MALRD1: variants seen among roughly 807,000 people sequenced by gnomAD.
MALRD1 encodes MAM and LDL-receptor class A domain-containing protein 1.
Under a neutral mutation model 242.1 loss-of-function variants are expected in MALRD1, and 247 were observed. The observed-to-expected ratio is 1.02, with a 90% CI of 0.92 to 1.13. MALRD1 has a LOEUF of 1.13. Ranked by LOEUF, MALRD1 falls within the 50% of genes most tolerant of loss-of-function variation. The probability of loss-of-function intolerance (pLI) is 0.00; values close to 1 mark genes in which losing one functional copy is unlikely to be tolerated. For missense variants in MALRD1, 2,989 were observed against 2,533.1 expected (o/e 1.18, Z -3.86); for synonymous variants, 995 against 866.6 (o/e 1.15, Z -2.60).
intron 32 of MALRD1, among the ~76,000 whole-genome samples, chr10:19,551,312 T>A (rs913311683): frequency 6.6e-6 from 1 of 152,184 alleles, no homozygotes; most frequent in African/African-American, 2.4e-5. Flanking sequence ...ATTGTAGAGA[T>A]CTTTCACCTC....
chr10:19,527,005 C>T (rs1385470183), intron 31 of MALRD1, among the ~76,000 whole-genome samples: 2 of 151,996 alleles, frequency 1.3e-5, no homozygotes, highest in African/African-American at 2.4e-5. Context: ...AGACACACAC[C>T]CCATTAGAAA....
chr10:19,246,829 A>C (rs560620366), intron 18 of MALRD1, among the ~76,000 whole-genome samples: 110 of 152,178 alleles, frequency 7.2e-4, no homozygotes, highest in Non-Finnish European at 1.4e-3. Flanking sequence ...ATGTACAAAA[A>C]TATGATGCTT....
Position 19,491,534 on chromosome 10 carries a change from C to A in MALRD1, c.5047C>A (p.Leu1683Ile), listed in dbSNP as rs16918863. 0.087 allele frequency: 135,241 copies of A among 1,549,204 alleles called. 13,050 individuals are homozygous for A. The highest frequency in any genetic ancestry group is 0.5 in the African/African-American group (36,773 of 72,960). ...TTCCCTAGTGGGAGAGATCTCTGAG[C>A]TTTGTCCGGAAATCACTGATTTTTT... ...NCTTVGEISE[L>I]CPEITDFLCR... is the part of the protein sequence containing the mutation. The change falls in exon 30 of 40, where the codon CTT (leucine) becomes ATT (isoleucine). Residue 1683 changes from leucine to isoleucine, a missense_variant. Leu to Ile is a conservative substitution (Grantham distance 5). Transcript: ENST00000454679.
chr10:19,551,081 T>C (rs891818651), intron 32 of MALRD1, among the ~76,000 whole-genome samples: 1 of 152,224 alleles, frequency 6.6e-6, no homozygotes, highest in Non-Finnish European at 1.5e-5. Context: ...GAGCTTCTTT[T>C]TCATATGATT....
At chr10:19,318,572 T>C (rs1247440824) in intron 21 of MALRD1, among the ~76,000 whole-genome samples, 3 of 151,560 alleles carry the variant, frequency 2.0e-5, no homozygotes, top group Non-Finnish European at 4.4e-5. Context: ...GGACCTCTAC[T>C]TGAAGAACCA....
At chr10:19,221,940 A>ATTTT (rs1350810768) in intron 18 of MALRD1, among the ~76,000 whole-genome samples, 4 of 152,188 alleles carry the variant, frequency 2.6e-5, no homozygotes, top group Non-Finnish European at 5.9e-5. Flanking sequence ...ATTTGTGGAA[A>ATTTT]TGAAATTTTT....
At chr10:19,276,159 G>T (rs190994650) in intron 19 of MALRD1, among the ~76,000 whole-genome samples, 3 of 152,282 alleles carry the variant, frequency 2.0e-5, no homozygotes, top group African/African-American at 7.2e-5. Context: ...GTGCTGAAGT[G>T]AAAGAGCTTG....
Position 19,257,674 on chromosome 10 carries a change from AT to A in MALRD1, c.2992-3del, listed in dbSNP as rs1222165858. The A allele has an allele frequency of 5.3e-6, 8 of 1,508,314 alleles. No homozygotes were observed. Among genetic ancestry groups the A allele is most frequent in the South Asian group, 2.6e-5 (2 of 78,274 alleles). The allele number at this position is 1,508,314 out of a possible 1,614,324, so 93.4% of individuals were successfully genotyped here. On this transcript the variant is annotated splice_polypyrimidine_tract_variant and intron_variant, in intron 18 of 39. Transcript: ENST00000454679. Reference sequence around the variant, plus strand: ...ATTTCTTATTTTTATTTTTTATTTTATTTTTTTAGATATTGGTGGAGGCTTC... The same window carrying A: ...ATTTCTTATTTTTATTTTTTATTTTATTTTTTAGATATTGGTGGAGGCTTC...
intron 21 of MALRD1, chr10:19,291,339 A>C (rs952292842): frequency 6.6e-6 from 1 of 152,080 alleles, no homozygotes; most frequent in African/African-American, 2.4e-5. Flanking sequence ...TTATATATAA[A>C]TTTGCTTATA....
chr10:19,161,550 CAAAAAA>C, intron 12 of MALRD1, among the ~76,000 whole-genome samples: 1 of 60,838 alleles, frequency 1.6e-5, no homozygotes, highest in Non-Finnish European at 3.0e-5. Context: ...AAAAAAAAAG[CAAAAAA>C]AAAAAAAAAA....
In MALRD1 at chr10:19,185,863, T is replaced by C. The variant is rs79856788; in HGVS notation, c.1951+10535T>C. ...TGTGTGTTAGTCTTTGAATTAGGAC[T>C]ACTTTTTTCAGTGTATTTTCTGAAA... On this transcript the variant is annotated intron_variant, in intron 14 of 39. Transcript: ENST00000454679. 0.016 allele frequency among the ~76,000 whole-genome samples: 2,330 copies of C among 150,040 alleles called. 102 individuals carry two copies. In the East Asian group the frequency reaches 0.18, roughly 12 times the overall value.
At chr10:19,712,262 A>C (rs1834160232) in intron 38 of MALRD1, among the ~76,000 whole-genome samples, 1 of 152,254 alleles carries the variant, frequency 6.6e-6, no homozygotes, top group Non-Finnish European at 1.5e-5. Flanking sequence ...ATCACTTTTA[A>C]GAAATCGAAT....
chr10:19,498,540 G>A lies in MALRD1; in HGVS notation c.5214G>A (p.Trp1738Ter), dbSNP rs765305017. The change falls in exon 31 of 40, where the codon TGG becomes TGA. Residue 1738 changes from tryptophan (W) to a stop codon, truncating the protein, a stop_gained. Transcript: ENST00000454679. LOFTEE classifies it high-confidence loss of function. ...SCNFETSSGNWTTACSLTQDS... is the reference protein window; with the variant it reads ...SCNFETSSGN ...ATTTTGAAACAAGTTCAGGAAACTG[G>A]ACCACAGCCTGCAGTCTTACTCAAG... The A allele has an allele frequency of 7.4e-5, 114 of 1,550,152 alleles. No homozygotes were observed. Among genetic ancestry groups the A allele is most frequent in the Non-Finnish European group, 9.4e-5 (108 of 1,146,846 alleles).
chr10:19,215,083 A>C (rs1489091759), intron 18 of MALRD1, among the ~76,000 whole-genome samples: 1 of 152,096 alleles, frequency 6.6e-6, no homozygotes, highest in Admixed American at 6.5e-5. Flanking sequence ...TGACTGGACC[A>C]CTTCCACCTT....
intron 5 of MALRD1, among the ~76,000 whole-genome samples, chr10:19,105,191 G>A (rs1322491301): frequency 6.6e-6 from 1 of 151,856 alleles, no homozygotes; most frequent in African/African-American, 2.4e-5. Flanking sequence ...CCAGCCTCTG[G>A]TAACCACTAT....
intron 28 of MALRD1, among the ~76,000 whole-genome samples, chr10:19,400,819 C>T (rs1353959161): frequency 6.6e-6 from 1 of 152,018 alleles, no homozygotes. Flanking sequence ...AGTTTGAGAC[C>T]AGCCTGGTCA....
At chr10:19,206,677 A>G (rs140798195) in intron 17 of MALRD1, among the ~76,000 whole-genome samples, 274 of 152,346 alleles carry the variant, frequency 1.8e-3, no homozygotes, top group African/African-American at 6.2e-3. Context: ...GACACAGTGT[A>G]CATTACAGAT....
intron 36 of MALRD1, among the ~76,000 whole-genome samples, chr10:19,679,564 C>T (rs1041921383): frequency 6.6e-6 from 1 of 151,932 alleles, no homozygotes; most frequent in African/African-American, 2.4e-5. Context: ...CTTTATTAGT[C>T]TAGCTAGTGG....
intron 36 of MALRD1, among the ~76,000 whole-genome samples, chr10:19,643,803 C>T (rs116104721): frequency 0.018 from 2,779 of 152,208 alleles, 49 homozygotes; most frequent in East Asian, 0.035. Context: ...ATACTCGGTG[C>T]CTGGAATGCT....
Sources: allele counts gnomAD v4.1 joint callset (sites outside exome capture counted in the v4.1 genomes callset), GRCh38; gene constraint gnomAD v4.1.1; transcripts MANE v1.5; gene names NCBI Gene and HGNC (gene_info 2026-07-23, HGNC 2026-07-21).